The following PTPRQ variants were observed in gnomAD, a reference collection of about 807,000 sequenced individuals.
PTPRQ encodes the protein protein tyrosine phosphatase receptor type Q, also known as phosphatidylinositol phosphatase PTPRQ.
A neutral mutation model predicts 246.0 loss-of-function variants in PTPRQ; 199 were observed. The observed-to-expected ratio is 0.81, with a 90% confidence interval of 0.72 to 0.91. PTPRQ has a LOEUF of 0.91. Among genes scored for constraint, PTPRQ ranks in the 40% least tolerant of loss-of-function variants. The probability of loss-of-function intolerance (pLI) is 0.00; values close to 1 mark genes in which losing one functional copy is unlikely to be tolerated. For synonymous variants in PTPRQ, 869 were observed against 853.2 expected (o/e 1.02, Z -0.32); for missense variants, 2,624 against 2,528.4 (o/e 1.04, Z -0.81).
chr12:80,673,183 G>A lies in PTPRQ; in HGVS notation c.6617G>A (p.Arg2206Lys). ...MIVHCSAGVG[R>K]TGVFIALDHL... ...CCTTCCTGTAGTGCTGGAGTTGGAA[G>A]AACTGGAGTTTTTATTGCTCTGGAC... Residue 2206 changes from arginine (R) to lysine (K), a missense_variant, in exon 43 of 45, where the codon AGA (arginine) becomes AAA (lysine). By Grantham distance (26) the Arg-to-Lys change is conservative. Coordinates refer to ENST00000644991, the MANE Select transcript of PTPRQ (RefSeq NM_001145026.2). The A allele has an allele frequency of 1.3e-6, 2 of 1,550,730 alleles. No individual in the cohort carries two copies. The highest frequency in any genetic ancestry group is 2.4e-5 in the South Asian group (2 of 84,002).
At chr12:80,667,249 C>A (rs1480683322) in intron 39 of PTPRQ, among the ~76,000 whole-genome samples, 1 of 151,890 alleles carries the variant, frequency 6.6e-6, no homozygotes, top group Non-Finnish European at 1.5e-5. Flanking sequence ...TCCCCCGAAT[C>A]CTGCAGGCCT....
chr12:80,642,931 A>C (rs867502440), intron 35 of PTPRQ, among the ~76,000 whole-genome samples: 115 of 114,748 alleles, frequency 1.0e-3, no homozygotes, highest in African/African-American at 2.4e-3. Context: ...AAAAAAAAAA[A>C]AAAAAAAAAA....
chr12:80,499,062 G>A (rs1251818541), intron 14 of PTPRQ, among the ~76,000 whole-genome samples: 1 of 151,918 alleles, frequency 6.6e-6, no homozygotes, highest in Non-Finnish European at 1.5e-5. Context: ...TTTTAGGTGA[G>A]AAGACCTAGG....
At chr12:80,491,451 G>A (rs1007831647) in intron 9 of PTPRQ, among the ~76,000 whole-genome samples, 1 of 152,034 alleles carries the variant, frequency 6.6e-6, no homozygotes, top group African/African-American at 2.4e-5. Context: ...TTGTAAGACA[G>A]AAGATCTTTA....
chr12:80,661,451 A>T (rs921386979), intron 39 of PTPRQ, among the ~76,000 whole-genome samples: 2 of 151,154 alleles, frequency 1.3e-5, no homozygotes, highest in Admixed American at 6.6e-5. Context: ...ATTATCAAAC[A>T]ATATAGAATA....
intron 26 of PTPRQ, among the ~76,000 whole-genome samples, chr12:80,589,711 C>G (rs920322521): frequency 6.6e-6 from 1 of 152,178 alleles, no homozygotes; most frequent in Non-Finnish European, 1.5e-5. Context: ...AGAATCCTGA[C>G]AACTCAGACT....
Position 80,610,130 on chromosome 12 carries a change from C to T in PTPRQ, c.4732-309C>T, listed in dbSNP as rs536461590. On this transcript the variant is annotated intron_variant, in intron 27 of 44. Transcript: ENST00000644991. ...GGTACCAAAACCTCTATGCTTTCTT[C>T]TACAAAATATTGGAGTCAAAAGTAG... Among the ~76,000 whole-genome samples, 4 of 150,608 alleles carry T rather than the reference C, an allele frequency of 2.7e-5. No individual in the cohort carries two copies. The East Asian group carries it at 7.8e-4, about 29-fold the overall frequency.
chr12:80,511,417 T>A (rs1895124618), intron 17 of PTPRQ, among the ~76,000 whole-genome samples: 1 of 152,176 alleles, frequency 6.6e-6, no homozygotes, highest in South Asian at 2.1e-4. Context: ...TTCCTTTTCA[T>A]TACCCTATTT....
chr12:80,463,450 G>A (rs1019970022), intron 6 of PTPRQ, among the ~76,000 whole-genome samples: 4 of 152,138 alleles, frequency 2.6e-5, no homozygotes, highest in Non-Finnish European at 5.9e-5. Context: ...TCTGCAGGAT[G>A]TTATCCAGGA....
intron 17 of PTPRQ, among the ~76,000 whole-genome samples, chr12:80,517,648 C>T (rs550772321): frequency 6.6e-6 from 1 of 151,598 alleles, no homozygotes; most frequent in African/African-American, 2.4e-5. Flanking sequence ...CTTTCCCCAC[C>T]CCTCCTCACT....
chr12:80,455,442 G>A (rs1892946674), intron 3 of PTPRQ, among the ~76,000 whole-genome samples: 1 of 151,988 alleles, frequency 6.6e-6, no homozygotes, highest in African/African-American at 2.4e-5. Flanking sequence ...GTTTTTACAT[G>A]TCTGTTGACA....
intron 8 of PTPRQ, among the ~76,000 whole-genome samples, chr12:80,483,957 T>A (rs1179726423): frequency 6.6e-6 from 1 of 151,000 alleles, no homozygotes; most frequent in African/African-American, 2.4e-5. Flanking sequence ...CAAAATAAAT[T>A]GTTTTTGTCT....
At chr12:80,659,577 A>C (rs1159246061) in intron 39 of PTPRQ, among the ~76,000 whole-genome samples, 3 of 152,178 alleles carry the variant, frequency 2.0e-5, no homozygotes, top group African/African-American at 7.2e-5. Context: ...GAAGAAAAAC[A>C]GACAATTTTA....
At position 80,669,106 on chromosome 12, in the gene PTPRQ, T is replaced by C. The variant is rs1396168469; in HGVS notation, c.6292T>C (p.Leu2098=). 3 of 1,550,250 alleles carry C rather than the reference T, an allele frequency of 1.9e-6. No homozygotes were observed. The Admixed American group carries it at 5.9e-5, about 30-fold the overall frequency. The part of the protein sequence containing the change: ...RMVWETRAKT[L]VMLTQCFEKG... ...GGTGTGGGAAACCAGAGCAAAAACA[T>C]TAGTAATGCTAACACAGTGTTTTGA... The change falls in exon 40 of 45, where the codon TTA becomes CTA. Residue 2098 remains leucine, a synonymous_variant. Coordinates refer to ENST00000644991, the MANE Select transcript of PTPRQ (RefSeq NM_001145026.2).
intron 27 of PTPRQ, among the ~76,000 whole-genome samples, chr12:80,605,651 G>A (rs1898290363): frequency 6.6e-6 from 1 of 151,028 alleles, no homozygotes; most frequent in Non-Finnish European, 1.5e-5. Flanking sequence ...TGAAAAATAA[G>A]TGAAGCAGAA....
chr12:80,606,880 A>G (rs1898343871), intron 27 of PTPRQ, among the ~76,000 whole-genome samples: 1 of 151,018 alleles, frequency 6.6e-6, no homozygotes, highest in East Asian at 1.9e-4. Context: ...TTAAAAACAA[A>G]TTATAAAATG....
intron 33 of PTPRQ, among the ~76,000 whole-genome samples, chr12:80,628,028 T>A (rs1189737909): frequency 4.6e-5 from 7 of 152,164 alleles, no homozygotes; most frequent in East Asian, 3.9e-4. Context: ...CTAAAAAAAA[T>A]TTTTTGTGTG....
rs540594239 is a variant in PTPRQ, at chr12:80,562,817, A to G, written c.4285+13083A>G. Among the ~76,000 whole-genome samples the G allele has an allele frequency of 1.8e-4, 27 of 152,296 alleles. No homozygotes were observed. The South Asian group carries it at 5.2e-3, about 29-fold the overall frequency. ...TGAAAACAGAAAAACAGTAGGAAAA[A>G]TCAATGAAATGAAAAGCTTGTTCTT... On this transcript the variant is annotated intron_variant, in intron 25 of 44. Coordinates refer to ENST00000644991, the MANE Select transcript of PTPRQ (RefSeq NM_001145026.2).
chr12:80,596,282 C>T (rs1897967961), intron 26 of PTPRQ, among the ~76,000 whole-genome samples: 1 of 151,838 alleles, frequency 6.6e-6, no homozygotes, highest in South Asian at 2.1e-4. Flanking sequence ...TGTCAAAAGA[C>T]CTTATGCTAG....
Sources: allele counts gnomAD v4.1 joint callset (sites outside exome capture counted in the v4.1 genomes callset), GRCh38; gene constraint gnomAD v4.1.1; transcripts MANE v1.5; gene names NCBI Gene and HGNC (gene_info 2026-07-23, HGNC 2026-07-21).